DNAAF3: variants seen among roughly 807,000 people sequenced by gnomAD.
The protein encoded by DNAAF3 is dynein axonemal assembly factor 3.
DNAAF3 carries 40 observed loss-of-function variants against 50.9 expected under a neutral mutation model. That is an observed-to-expected ratio of 0.79 (90% CI 0.61 to 1.02). The LOEUF (loss-of-function observed/expected upper bound fraction) is 1.02. Ranked by LOEUF, DNAAF3 falls within the 50% of genes least tolerant of loss-of-function variation. The pLI is 0.00. For missense variants in DNAAF3, 763 were observed against 744.7 expected (o/e 1.02, Z -0.29); for synonymous variants, 327 against 322.8 (o/e 1.01, Z -0.14).
At position 55,161,763 on chromosome 19, in the gene DNAAF3, G is replaced by C; in HGVS notation, c.543C>G (p.Pro181=). ...AGAGGCGGCTCATGGGGAACGCCTG[G>C]GGCCCTTTCTCGCCGCCAGCCCAGA... is the stretch of plus-strand genomic sequence containing the variant. ...FRFWAGGEKG[P]QAFPMSRLWD... Residue 181 remains proline, a synonymous_variant, in exon 6 of 12, where the codon CCC becomes CCG. Transcript: ENST00000524407. The surrounding 1 kb of genome is among the most constrained non-coding windows in gnomAD (Gnocchi z 6.4). 1 of 1,516,264 alleles carries C rather than the reference G, an allele frequency of 6.6e-7. No individual in the cohort carries two copies. Among genetic ancestry groups the C allele is most frequent in the Non-Finnish European group, 8.8e-7 (1 of 1,133,484 alleles). 93.9% of individuals were successfully genotyped at this position (1,516,264 alleles called of 1,614,324 possible).
rs2085931096 is a variant in DNAAF3 at position 55,165,925 on chromosome 19, G to C, written c.161C>G (p.Ser54Cys). ...NPELDVLLLGSVDGRHLLRTL... is the reference protein window; with the variant it reads ...NPELDVLLLGCVDGRHLLRTL... ...CCGCAGCAGGTGCCGTCCATCCACA[G>C]AGCCCAGAAGCAGCACATCTAGCTC... The change falls in exon 3 of 12, where the codon TCT becomes TGT. Residue 54 changes from serine (S) to cysteine (C), a missense_variant. Transcript: ENST00000524407. 3.1e-6 allele frequency: 5 copies of C among 1,614,182 alleles called. No individual in the cohort carries two copies. The East Asian group carries it at 1.1e-4, about 36-fold the overall frequency.
At chr19:55,165,541 A>T in intron 3 of DNAAF3, 78 bp from the exon 4 acceptor site, 1 of 1,395,446 alleles carries the variant, frequency 7.2e-7, no homozygotes, top group Admixed American at 1.8e-5. Context: ...GCAGGCCCTC[A>T]GCTCTCTCCT....
In DNAAF3 at chr19:55,161,818, T is replaced by A; in HGVS notation, c.488A>T (p.Glu163Val). The A allele has an allele frequency of 1.4e-6, 2 of 1,438,794 alleles. No homozygotes were observed. 89.1% of individuals were successfully genotyped at this position (1,438,794 alleles called of 1,614,324 possible). The stretch of plus-strand genomic sequence containing the variant: ...GAATACGGCCTCCAGGGCATCCCGC[T>A]CGCGGAACTGCGGGGCCAGGCACGC... ...WLSLRALKFRERDALEAVFRF... is the reference protein window; with the variant it reads ...WLSLRALKFRVRDALEAVFRF... Residue 163 changes from glutamate (E) to valine (V), a missense_variant, in exon 6 of 12, where the codon GAG (glutamate) becomes GTG (valine). By Grantham distance (121) the Glu-to-Val change is moderately radical (BLOSUM62 -2). Transcript: ENST00000524407. The surrounding 1 kb of genome is among the most constrained non-coding windows in gnomAD (Gnocchi z 6.4).
Position 55,162,211 on chromosome 19 carries a change from G to A in DNAAF3, c.402C>T (p.Ala134=), listed in dbSNP as rs1056296743. 46 of 1,253,458 alleles carry A rather than the reference G, an allele frequency of 3.7e-5. No homozygotes were observed. Among genetic ancestry groups the A allele is most frequent in the African/African-American group, 1.1e-4 (7 of 64,768 alleles). The allele number at this position is 1,253,458 out of a possible 1,614,324, so 77.6% of individuals were successfully genotyped here. A position where few individuals can be genotyped will look rare whatever the true frequency, so the allele number is the denominator to read the frequency against. The stretch of plus-strand genomic sequence containing the variant: ...CGGGGACCAGGTGCGCCAGCAGGTC[G>A]GCCTGGGCACGCACGAAGGCGGCCA... ...PPVAAFVRAQ[A]DLLAHLVPEP... Residue 134 remains alanine (A), a synonymous_variant, in exon 5 of 12, where the codon GCC becomes GCT. Transcript: ENST00000524407.
chr19:55,162,200 GC>G lies in DNAAF3; in HGVS notation c.412del (p.Ala138ArgfsTer49). On this transcript the variant is annotated frameshift_variant, in exon 5 of 12. Coordinates refer to ENST00000524407, the MANE Select transcript of DNAAF3 (RefSeq NM_001256715.2). LOFTEE classifies it high-confidence loss of function. ...AFVRAQADLL[A>X]HLVPEPDRLE... is the part of the protein sequence containing the mutation. ...GCGGTCGGGCTCGGGGACCAGGTGC[GC>G]CAGCAGGTCGGCCTGGGCACGCACG... 8.0e-7 allele frequency: 1 copy of G among 1,253,688 alleles called. No individual in the cohort carries two copies. Among genetic ancestry groups the G allele is most frequent in the African/African-American group, 1.5e-5 (1 of 64,776 alleles). 77.7% of individuals were successfully genotyped at this position (1,253,688 alleles called of 1,614,324 possible). A position where few individuals can be genotyped will look rare whatever the true frequency, so the allele number is the denominator to read the frequency against.
Position 55,160,001 on chromosome 19 carries a change from G to C in DNAAF3, c.1061C>G (p.Pro354Arg), listed in dbSNP as rs199556405. 2 of 1,612,814 alleles carry C rather than the reference G, an allele frequency of 1.2e-6. No homozygotes were observed. The highest frequency in any genetic ancestry group is 2.2e-5 in the South Asian group (2 of 90,996). ...PEPGTPAAPT[P>R]ESFTVHFLPL... ...CAGGAAGTGGACGGTGAAAGATTCCGGGGTCGGGGCTGCTGGGGGAAGGGG... is the reference window on the plus strand; with the variant it reads ...CAGGAAGTGGACGGTGAAAGATTCCCGGGTCGGGGCTGCTGGGGGAAGGGG... Residue 354 changes from proline to arginine, a missense_variant, in exon 10 of 12, where the codon CCG (proline) becomes CGG (arginine). By Grantham distance (103) the Pro-to-Arg change is moderately radical. Transcript: ENST00000524407. The surrounding 1 kb of genome is among the most constrained non-coding windows in gnomAD (Gnocchi z 4.7).
chr19:55,161,615 C>T lies in DNAAF3; in HGVS notation c.663+28G>A, dbSNP rs1429055787. Reference sequence around the variant, plus strand: ...CCTCCCTCAGACCCAGGGGTCCAGGCCCCCAGCCCCTCTCCTGGGCCCCTC... The same window carrying T: ...CCTCCCTCAGACCCAGGGGTCCAGGTCCCCAGCCCCTCTCCTGGGCCCCTC... On this transcript the variant is annotated intron_variant, in intron 6 of 11. Coordinates refer to ENST00000524407, the MANE Select transcript of DNAAF3 (RefSeq NM_001256715.2). This position sits in a 1 kb window ranked among gnomAD's most constrained non-coding sequence, Gnocchi z 6.4. The T allele has an allele frequency of 3.3e-6, 5 of 1,521,562 alleles. No individual in the cohort carries two copies. In the East Asian group the frequency reaches 7.4e-5, roughly 23 times the overall value. 94.3% of individuals were successfully genotyped at this position (1,521,562 alleles called of 1,614,324 possible).
chr19:55,159,694 AG>A, intron 10 of DNAAF3, 87 bp from the exon 11 acceptor site: 1 of 1,590,752 alleles, frequency 6.3e-7, no homozygotes, highest in African/African-American at 1.4e-5. Flanking sequence ...ATGAGGGAGG[AG>A]GGGTGGCAAA....
chr19:55,166,589 C>A lies in DNAAF3; in HGVS notation c.-71G>T. The A allele has an allele frequency of 6.2e-7, 1 of 1,614,202 alleles. No homozygotes were observed. Among genetic ancestry groups the A allele is most frequent in the Non-Finnish European group, 8.5e-7 (1 of 1,180,034 alleles). On this transcript the variant is annotated 5_prime_UTR_variant, in exon 1 of 12. Coordinates refer to ENST00000524407, the MANE Select transcript of DNAAF3 (RefSeq NM_001256715.2). This position sits in a 1 kb window ranked among gnomAD's most constrained non-coding sequence, Gnocchi z 4.0. Reference sequence around the variant, plus strand: ...TCAGTGCAGCACTGTGGACCCGCGGCACTCCACAACCGCTGCCCAGAGTCC... The same window carrying A: ...TCAGTGCAGCACTGTGGACCCGCGGAACTCCACAACCGCTGCCCAGAGTCC...
intron 4 of DNAAF3, chr19:55,162,898 G>A (rs1450451045): frequency 1.3e-5 from 2 of 157,710 alleles, no homozygotes; most frequent in Non-Finnish European, 2.7e-5. Flanking sequence ...TCGACCACCT[G>A]AGCTTAAGGG....
Position 55,166,209 on chromosome 19 carries a change from G to C in DNAAF3, c.85+120C>G. The C allele has an allele frequency of 6.5e-7, 1 of 1,547,676 alleles. No individual in the cohort carries two copies. The highest frequency in any genetic ancestry group is 8.7e-7 in the Non-Finnish European group (1 of 1,146,274). ...CCTGGGAGCGCGCCCTCTGCCGCTG[G>C]AGCGTTGGAGAACGTTAGCGCCCCC... On this transcript the variant is annotated intron_variant, in intron 2 of 11. Coordinates refer to ENST00000524407, the MANE Select transcript of DNAAF3 (RefSeq NM_001256715.2). This position sits in a 1 kb window ranked among gnomAD's most constrained non-coding sequence, Gnocchi z 4.0.
intron 4 of DNAAF3, among the ~76,000 whole-genome samples, chr19:55,164,686 G>A (rs1182400747): frequency 6.6e-6 from 1 of 151,738 alleles, no homozygotes; most frequent in African/African-American, 2.4e-5. Flanking sequence ...CACCACACCC[G>A]GCTAATTGTT....
At position 55,161,861 on chromosome 19, in the gene DNAAF3, C is replaced by T; in HGVS notation, c.481-36G>A. ...AGGCACGCGGTGGGACAGAGGAAGG[C>T]AGAGAGGGATGCAGGGAGAGCGGAT... is the stretch of plus-strand genomic sequence containing the variant. On this transcript the variant is annotated intron_variant, in intron 5 of 11. Coordinates refer to ENST00000524407, the MANE Select transcript of DNAAF3 (RefSeq NM_001256715.2). The surrounding 1 kb of genome is among the most constrained non-coding windows in gnomAD (Gnocchi z 6.4). 1 of 1,410,018 alleles carries T rather than the reference C, an allele frequency of 7.1e-7. No individual in the cohort carries two copies. Among genetic ancestry groups the T allele is most frequent in the Non-Finnish European group, 9.2e-7 (1 of 1,084,752 alleles). The allele number at this position is 1,410,018 out of a possible 1,614,324, so 87.3% of individuals were successfully genotyped here. A position where few individuals can be genotyped will look rare whatever the true frequency, so the allele number is the denominator to read the frequency against.
rs2147292742 is a variant in DNAAF3, at chr19:55,160,086, G to A, written c.1049-73C>T. On this transcript the variant is annotated intron_variant, in intron 9 of 11. Transcript: ENST00000524407. The surrounding 1 kb of genome is among the most constrained non-coding windows in gnomAD (Gnocchi z 4.7). ...GGGCGGAAAACCAGAGAGATACACA[G>A]AGCTGGGCAGAGCTGGGCAGGCACA... The A allele has an allele frequency of 1.1e-6, 1 of 900,636 alleles. No homozygotes were observed. Among genetic ancestry groups the A allele is most frequent in the Non-Finnish European group, 1.8e-6 (1 of 544,886 alleles). The allele number at this position is 900,636 out of a possible 1,614,324, so 55.8% of individuals were successfully genotyped here.
In DNAAF3 at chr19:55,162,283, G is replaced by C. The variant is rs1204651931; in HGVS notation, c.330C>G (p.Ser110Arg). 2 of 1,250,676 alleles carry C rather than the reference G, an allele frequency of 1.6e-6. No individual in the cohort carries two copies. The highest frequency in any genetic ancestry group is 6.3e-5 in the East Asian group (2 of 31,716). The allele number at this position is 1,250,676 out of a possible 1,614,324, so 77.5% of individuals were successfully genotyped here. A position where few individuals can be genotyped will look rare whatever the true frequency, so the allele number is the denominator to read the frequency against. Reference sequence around the variant, plus strand: ...TCCCCCACACTTCCAGGAAGGTCTCGCTTCGCTCTACGGAGAGAGGGAGAT... The same window carrying C: ...TCCCCCACACTTCCAGGAAGGTCTCCCTTCGCTCTACGGAGAGAGGGAGAT... ...EPEKMGLQER[S>R]ETFLEVWGNA... is the part of the protein sequence containing the mutation. The change falls in exon 5 of 12, where the codon AGC (serine) becomes AGG (arginine). Residue 110 changes from serine (S) to arginine (R), a missense_variant. Transcript: ENST00000524407.
intron 3 of DNAAF3, 191 bp downstream of exon 3, chr19:55,165,667 T>C (rs969863524): frequency 1.0e-5 from 11 of 1,069,514 alleles, no homozygotes; most frequent in Non-Finnish European, 1.5e-5. Flanking sequence ...TCTTCCCCAC[T>C]ATAGAACCCA....
rs1367426600 is a variant in DNAAF3 at position 55,166,298 on chromosome 19, G to A, written c.85+31C>T. ...GTCTGCTCAGGCTGGGAAGGCAGAC[G>A]GTGTATCAGACCTTGCGTGCTGGGA... On this transcript the variant is annotated intron_variant, in intron 2 of 11. Coordinates refer to ENST00000524407, the MANE Select transcript of DNAAF3 (RefSeq NM_001256715.2). The surrounding 1 kb of genome is among the most constrained non-coding windows in gnomAD (Gnocchi z 4.0). The A allele has an allele frequency of 1.2e-6, 2 of 1,608,234 alleles. No individual in the cohort carries two copies. Among genetic ancestry groups the A allele is most frequent in the Non-Finnish European group, 1.7e-6 (2 of 1,176,622 alleles).
At chr19:55,164,338 C>T (rs112728383) in intron 4 of DNAAF3, among the ~76,000 whole-genome samples, 16,441 of 151,928 alleles carry the variant, frequency 0.11, 2,851 homozygotes, top group African/African-American at 0.37. Context: ...AAACCTTAGC[C>T]GGGCATGGTG....
At position 55,161,687 on chromosome 19, in the gene DNAAF3, C is replaced by CGCGCCGG; in HGVS notation, c.612_618dup (p.Gly207ProfsTer15). The stretch of plus-strand genomic sequence containing the variant: ...ATGCGCAGGTCCCAGTCGCTGACAC[C>CGCGCCGG]GCGCCGGGCGTCGTAGCGGGAGCCC... On this transcript the variant is annotated frameshift_variant, in exon 6 of 12. Coordinates refer to ENST00000524407, the MANE Select transcript of DNAAF3 (RefSeq NM_001256715.2). LOFTEE classifies it high-confidence loss of function. The surrounding 1 kb of genome is among the most constrained non-coding windows in gnomAD (Gnocchi z 6.4). The CGCGCCGG allele has an allele frequency of 6.5e-7, 1 of 1,540,346 alleles. No individual in the cohort carries two copies. Among genetic ancestry groups the CGCGCCGG allele is most frequent in the Non-Finnish European group, 8.7e-7 (1 of 1,146,456 alleles).
Sources: gnomAD v4.1 joint callset for allele counts (sites outside exome capture counted in the v4.1 genomes callset) on GRCh38, gnomAD v4.1.1 for gene constraint, Gnocchi (gnomAD v3.1) non-coding constraint, MANE v1.5 for transcripts, NCBI Gene and HGNC (gene_info 2026-07-23, HGNC 2026-07-21) for gene names.